MCFD2: variants seen among roughly 807,000 people sequenced by gnomAD.
The protein encoded by MCFD2 is multiple coagulation factor deficiency protein 2.
A neutral mutation model predicts 12.8 loss-of-function variants in MCFD2; 11 were observed. The observed-to-expected ratio is 0.86, with a 90% confidence interval of 0.54 to 1.42. The LOEUF (loss-of-function observed/expected upper bound fraction) is 1.42, where lower values mean the gene tolerates loss of function less well. Among genes scored for constraint, MCFD2 ranks in the 40% most tolerant of loss-of-function variants. The pLI is 0.00. For missense variants in MCFD2, 191 were observed against 178.6 expected (o/e 1.07, Z -0.40); for synonymous variants, 70 against 68.1 (o/e 1.03, Z -0.14).
At chr2:46,932,473 T>A (rs183736389) in intron 1 of MCFD2, among the ~76,000 whole-genome samples, 1 of 152,260 alleles carries the variant, frequency 6.6e-6, no homozygotes, top group African/African-American at 2.4e-5. Flanking sequence ...TTGACCCTAG[T>A]TGATGGTTAA....
Position 46,915,804 on chromosome 2 carries a change from T to TGGGGGGGGGGGGGGGGGGGC in MCFD2, c.-89_-88insGCCCCCCCCCCCCCCCCCCC. The TGGGGGGGGGGGGGGGGGGGC allele has an allele frequency of 1.8e-6, 1 of 568,428 alleles. No individual in the cohort carries two copies. Among genetic ancestry groups the TGGGGGGGGGGGGGGGGGGGC allele is most frequent in the Non-Finnish European group, 2.0e-6 (1 of 510,734 alleles). 35.2% of individuals were successfully genotyped at this position (568,428 alleles called of 1,614,324 possible). ...GTCCCCAAAACGCTCTTCCTCGGCT[T>TGGGGGGGGGGGGGGGGGGGC]CGCCCCGCCCCCCCCCCCCCCCCGA... On this transcript the variant is annotated 5_prime_UTR_variant, in exon 1 of 4. Transcript: ENST00000319466.
intron 1 of MCFD2, among the ~76,000 whole-genome samples, chr2:46,921,081 A>C (rs970631484): frequency 1.3e-5 from 2 of 152,192 alleles, no homozygotes; most frequent in Non-Finnish European, 2.9e-5. Context: ...GAAAGACTGA[A>C]TGCTTTTCCC....
At chr2:46,922,519 T>C (rs12621059) in intron 1 of MCFD2, among the ~76,000 whole-genome samples, 32,795 of 150,350 alleles carry the variant, frequency 0.22, 4,104 homozygotes, top group Non-Finnish European at 0.27. Flanking sequence ...AGTGTAATTA[T>C]AAATGCTCAG....
chr2:46,915,805 C>CGGGGGG lies in MCFD2; in HGVS notation c.-90_-89insCCCCCC. ...TCCCCAAAACGCTCTTCCTCGGCTT[C>CGGGGGG]GCCCCGCCCCCCCCCCCCCCCCGAC... is the stretch of plus-strand genomic sequence containing the variant. On this transcript the variant is annotated 5_prime_UTR_variant, in exon 1 of 4. Transcript: ENST00000319466. 12 of 368,300 alleles carry CGGGGGG rather than the reference C, an allele frequency of 3.3e-5. No individual in the cohort carries two copies. Among genetic ancestry groups the CGGGGGG allele is most frequent in the Non-Finnish European group, 3.7e-5 (12 of 327,180 alleles). 22.8% of individuals were successfully genotyped at this position (368,300 alleles called of 1,614,324 possible).
chr2:46,928,159 C>T lies in MCFD2; in HGVS notation c.-8+13413G>A, dbSNP rs549209197. 6.8e-4 allele frequency among the ~76,000 whole-genome samples: 103 copies of T among 151,658 alleles called. 3 individuals carry two copies. In the South Asian group the frequency reaches 0.011, roughly 17 times the overall value. On this transcript the variant is annotated intron_variant, in intron 1 of 2. Coordinates refer to the MCFD2 transcript ENST00000409147. ...TGCCCACCTTAACCTCCCAAAGTGCCGGGATTACAGGCGTGAGTCATTGCA... is the reference window on the plus strand; with the variant it reads ...TGCCCACCTTAACCTCCCAAAGTGCTGGGATTACAGGCGTGAGTCATTGCA...
At chr2:46,915,867 TTGGCGCCGCCGGGCCCCTCCCGC>T (rs1668748649), upstream of MCFD2, 9 of 946,840 alleles carry the variant, frequency 9.5e-6, no homozygotes, top group Non-Finnish European at 9.8e-6. Context: ...CGCCCGCCCA[TTGGCGCCGCCGGGCCCCTCCCGC>T]TGGCGGCGGC....
At position 46,941,393 on chromosome 2, in the gene MCFD2, C is replaced by T. The variant is rs1670355553; in HGVS notation, c.-8+179G>A. 4.5e-6 allele frequency: 3 copies of T among 662,730 alleles called. No individual in the cohort carries two copies. Among genetic ancestry groups the T allele is most frequent in the South Asian group, 1.4e-4 (2 of 14,590 alleles). 41.1% of individuals were successfully genotyped at this position (662,730 alleles called of 1,614,324 possible). A position where few individuals can be genotyped will look rare whatever the true frequency, so the allele number is the denominator to read the frequency against. On this transcript the variant is annotated intron_variant, in intron 1 of 2. Coordinates refer to the MCFD2 transcript ENST00000409147. This position sits in a 1 kb window ranked among gnomAD's most constrained non-coding sequence, Gnocchi z 4.2. Reference sequence around the variant, plus strand: ...TGCTGCTGCTGCTGCTGCCCACCCTCCGCCGCCCGGGCCCCCGCTGCCGCC... The same window carrying T: ...TGCTGCTGCTGCTGCTGCCCACCCTTCGCCGCCCGGGCCCCCGCTGCCGCC...
chr2:46,909,104 C>G lies in MCFD2; in HGVS notation c.68G>C (p.Gly23Ala). ...CGLLWAFCAP[G>A]ARAEEPAASF... ...GGCTGCAGGCTCCTCAGCCCTGGCG[C>G]CTGGGGCACAAAAGGCCCAGAGCAG... The change falls in exon 2 of 4, where the codon GGC becomes GCC. Residue 23 changes from glycine to alanine, a missense_variant. Coordinates refer to ENST00000319466, the MANE Select transcript of MCFD2 (RefSeq NM_139279.6). 1 of 1,614,212 alleles carries G rather than the reference C, an allele frequency of 6.2e-7. No individual in the cohort carries two copies. Among genetic ancestry groups the G allele is most frequent in the Non-Finnish European group, 8.5e-7 (1 of 1,180,042 alleles).
Position 46,934,787 on chromosome 2 carries a change from C to CTTTTTTTTTTT in MCFD2, c.-8+6774_-8+6784dup, listed in dbSNP as rs1161003607. ...GGAATAAGGTATGAAGACTACTGCT[C>CTTTTTTTTTTT]TTTTTTTTTTTTTTTTTTTTTTTTT... is the stretch of plus-strand genomic sequence containing the variant. On this transcript the variant is annotated intron_variant, in intron 1 of 2. Coordinates refer to the MCFD2 transcript ENST00000409147. Among the ~76,000 whole-genome samples the CTTTTTTTTTTT allele has an allele frequency of 1.4e-3, 91 of 66,914 alleles. 11 individuals carry two copies. Among genetic ancestry groups the CTTTTTTTTTTT allele is most frequent in the Non-Finnish European group, 1.9e-3 (71 of 37,306 alleles). 43.9% of individuals were successfully genotyped at this position (66,914 alleles called of 152,430 possible).
chr2:46,935,530 A>T (rs1351018983), intron 1 of MCFD2, among the ~76,000 whole-genome samples: 1 of 152,222 alleles, frequency 6.6e-6, no homozygotes, highest in Non-Finnish European at 1.5e-5. Flanking sequence ...TCCTGCCATG[A>T]GAACAAGCTA....
chr2:46,915,877 C>T (rs990451113), upstream of MCFD2: 5 of 983,760 alleles, frequency 5.1e-6, no homozygotes, highest in African/African-American at 8.8e-5. Context: ...TTGGCGCCGC[C>T]GGGCCCCTCC....
chr2:46,908,775 A>C lies in MCFD2; in HGVS notation c.149+248T>G. Reference sequence around the variant, plus strand: ...TGTGTGTGTCTGTCTGTGGTGAAAAAAAGGAGAGACCGGATTCAGACAAGT... The same window carrying C: ...TGTGTGTGTCTGTCTGTGGTGAAAACAAGGAGAGACCGGATTCAGACAAGT... On this transcript the variant is annotated intron_variant, in intron 2 of 3. Coordinates refer to ENST00000319466, the MANE Select transcript of MCFD2 (RefSeq NM_139279.6). This position sits in a 1 kb window ranked among gnomAD's most constrained non-coding sequence, Gnocchi z 4.5. The C allele has an allele frequency of 1.8e-6, 1 of 548,932 alleles. No individual in the cohort carries two copies. The highest frequency in any genetic ancestry group is 3.3e-6 in the Non-Finnish European group (1 of 305,474). The allele number at this position is 548,932 out of a possible 1,614,324, so 34.0% of individuals were successfully genotyped here.
At chr2:46,910,471 G>A (rs1668438496) in intron 1 of MCFD2, among the ~76,000 whole-genome samples, 1 of 152,170 alleles carries the variant, frequency 6.6e-6, no homozygotes, top group Non-Finnish European at 1.5e-5. Flanking sequence ...AACCAGCAGT[G>A]GTAAAGACAA....
At chr2:46,910,453 C>G (rs376951681) in intron 1 of MCFD2, among the ~76,000 whole-genome samples, 1 of 152,214 alleles carries the variant, frequency 6.6e-6, no homozygotes, top group African/African-American at 2.4e-5. Context: ...TTGTAGTCCA[C>G]AGCCCCAAAC....
Position 46,936,730 on chromosome 2 carries a change from C to G in MCFD2, c.-8+4842G>C, listed in dbSNP as rs192357202. 2.0e-5 allele frequency among the ~76,000 whole-genome samples: 3 copies of G among 152,270 alleles called. No individual in the cohort carries two copies. The East Asian group carries it at 5.8e-4, about 29-fold the overall frequency. On this transcript the variant is annotated intron_variant, in intron 1 of 2. Coordinates refer to the MCFD2 transcript ENST00000409147. Reference sequence around the variant, plus strand: ...AGATAATTTAGAATTGCGGTAGCCACTATGAGGAATTTCTGATATGCACAA... The same window carrying G: ...AGATAATTTAGAATTGCGGTAGCCAGTATGAGGAATTTCTGATATGCACAA...
In MCFD2 at chr2:46,908,010, T is replaced by C. The variant is rs1400960843; in HGVS notation, c.150-41A>G. Reference sequence around the variant, plus strand: ...CAGGTTCAGGCCAATTGACAGATACTGGGATCATGCTGAAATCTTAAGGAC... The same window carrying C: ...CAGGTTCAGGCCAATTGACAGATACCGGGATCATGCTGAAATCTTAAGGAC... On this transcript the variant is annotated intron_variant, in intron 2 of 3. Coordinates refer to ENST00000319466, the MANE Select transcript of MCFD2 (RefSeq NM_139279.6). This position sits in a 1 kb window ranked among gnomAD's most constrained non-coding sequence, Gnocchi z 4.5. 1.2e-6 allele frequency: 2 copies of C among 1,610,554 alleles called. No homozygotes were observed. The highest frequency in any genetic ancestry group is 2.2e-5 in the East Asian group (1 of 44,874).
intron 1 of MCFD2, among the ~76,000 whole-genome samples, chr2:46,923,878 G>A (rs1030507926): frequency 2.0e-5 from 3 of 151,910 alleles, no homozygotes; most frequent in East Asian, 1.9e-4. Flanking sequence ...GATTACAGGC[G>A]CCTGCCACCA....
At chr2:46,923,728 T>C (rs1472217330) in intron 1 of MCFD2, among the ~76,000 whole-genome samples, 1 of 151,702 alleles carries the variant, frequency 6.6e-6, no homozygotes, top group Admixed American at 6.6e-5. Flanking sequence ...CCTGTCTCTA[T>C]AGAAAAACTT....
intron 1 of MCFD2, among the ~76,000 whole-genome samples, chr2:46,926,658 G>A (rs1207961022): frequency 6.6e-6 from 1 of 152,194 alleles, no homozygotes; most frequent in Non-Finnish European, 1.5e-5. Flanking sequence ...CGTCCTTTCA[G>A]AAGAATATAA....
Sources: gnomAD v4.1 joint callset for allele counts (sites outside exome capture counted in the v4.1 genomes callset) on GRCh38, gnomAD v4.1.1 for gene constraint, Gnocchi (gnomAD v3.1) non-coding constraint, MANE v1.5 for transcripts, NCBI Gene and HGNC (gene_info 2026-07-23, HGNC 2026-07-21) for gene names.